The following UBR3 variants were observed in gnomAD, a reference collection of about 807,000 sequenced individuals.
UBR3 encodes E3 ubiquitin-protein ligase UBR3.
In UBR3, 85 loss-of-function variants were observed where a neutral mutation model predicts 243.2. The observed-to-expected ratio is 0.35, with a 90% CI of 0.29 to 0.42. UBR3 has a LOEUF of 0.42. Among genes scored for constraint, UBR3 ranks in the 10% least tolerant of loss-of-function variants. UBR3 has a pLI of 1.00. For missense variants in UBR3, 1,686 were observed against 2,300.8 expected (o/e 0.73, Z 5.47); for synonymous variants, 748 against 799.8 (o/e 0.94, Z 1.09).
At chr2:169,931,906 T>A (rs2086147106) in intron 18 of UBR3, among the ~76,000 whole-genome samples, 1 of 152,090 alleles carries the variant, frequency 6.6e-6, no homozygotes, top group African/African-American at 2.4e-5. Flanking sequence ...ACTTAATACT[T>A]AAAATCATCT....
chr2:170,006,027 A>G (rs1432629986), intron 27 of UBR3, among the ~76,000 whole-genome samples: 1 of 152,140 alleles, frequency 6.6e-6, no homozygotes, highest in Non-Finnish European at 1.5e-5. Flanking sequence ...GAGAGAACCC[A>G]GCTTCAGTTA....
intron 1 of UBR3, among the ~76,000 whole-genome samples, chr2:169,843,309 C>T (rs531793327): frequency 3.3e-5 from 5 of 152,268 alleles, no homozygotes; most frequent in Non-Finnish European, 7.4e-5. Context: ...CTGGTGAGGG[C>T]CTTCTGCTGC....
intron 30 of UBR3, among the ~76,000 whole-genome samples, chr2:170,020,160 T>C (rs1409597076): frequency 1.3e-5 from 2 of 152,140 alleles, no homozygotes; most frequent in Non-Finnish European, 1.5e-5. Flanking sequence ...TATGAAGGCC[T>C]TTTTCAAATT....
At chr2:170,009,526 G>C (rs576698624) in intron 29 of UBR3, among the ~76,000 whole-genome samples, 1 of 152,062 alleles carries the variant, frequency 6.6e-6, no homozygotes, top group Admixed American at 6.5e-5. Context: ...TAGTCTAATT[G>C]TATGCAATAC....
intron 24 of UBR3, among the ~76,000 whole-genome samples, chr2:169,973,893 G>T (rs991913305): frequency 6.6e-6 from 1 of 151,990 alleles, no homozygotes; most frequent in African/African-American, 2.4e-5. Context: ...TTTGTTGAGG[G>T]TTATCATGAA....
intron 28 of UBR3, 124 bp from the exon 29 acceptor site, chr2:170,008,680 A>G (rs112242048): frequency 2.6e-4 from 135 of 526,586 alleles, no homozygotes; most frequent in Non-Finnish European, 3.3e-4. Context: ...ATAATAGATA[A>G]TGTTCTGTTT....
chr2:170,067,152 A>G (rs2091589809), intron 35 of UBR3, among the ~76,000 whole-genome samples: 1 of 152,048 alleles, frequency 6.6e-6, no homozygotes, highest in Admixed American at 6.6e-5. Context: ...CACTGTTAAC[A>G]TCTGGACCCA....
intron 1 of UBR3, among the ~76,000 whole-genome samples, chr2:169,832,475 G>A (rs111684185): frequency 7.3e-5 from 11 of 151,528 alleles, no homozygotes; most frequent in African/African-American, 2.2e-4. Flanking sequence ...GCGTGAACCC[G>A]GGAGGCGGAG....
intron 1 of UBR3, among the ~76,000 whole-genome samples, chr2:169,862,886 G>A (rs534601183): frequency 5.9e-5 from 9 of 151,896 alleles, no homozygotes; most frequent in Admixed American, 2.6e-4. Context: ...ATGGGGCGGG[G>A]GTATGACTCT....
At chr2:169,831,255 T>G (rs2105275147) in intron 1 of UBR3, among the ~76,000 whole-genome samples, 1 of 146,446 alleles carries the variant, frequency 6.8e-6, no homozygotes, top group Admixed American at 6.9e-5. Context: ...ATTCTCTACC[T>G]CAGCCTTCCA....
intron 35 of UBR3, among the ~76,000 whole-genome samples, chr2:170,066,043 G>C (rs1024972225): frequency 2.0e-5 from 3 of 151,258 alleles, no homozygotes; most frequent in African/African-American, 2.4e-5. Context: ...CTAAAATGTA[G>C]AAACTTAATG....
chr2:169,872,398 T>A, intron 2 of UBR3, 23 bp downstream of exon 2: 1 of 1,393,092 alleles, frequency 7.2e-7, no homozygotes, highest in South Asian at 1.5e-5. Context: ...CTACTTCTTG[T>A]TAGTACTCTT....
At chr2:169,919,267 AAG>A (rs2105342438) in intron 11 of UBR3, among the ~76,000 whole-genome samples, 1 of 152,320 alleles carries the variant, frequency 6.6e-6, no homozygotes, top group Non-Finnish European at 1.5e-5. Context: ...TTGTGAGTGG[AAG>A]AAGTTCAAGG....
At chr2:169,958,556 CATAATT>C in intron 24 of UBR3, 30 bp downstream of exon 24, 11 of 1,568,332 alleles carry the variant, frequency 7.0e-6, no homozygotes, top group Non-Finnish European at 9.6e-6. Context: ...TTAGAACTCT[CATAATT>C]ATACTTATTA....
intron 3 of UBR3, among the ~76,000 whole-genome samples, chr2:169,876,160 T>C (rs913274962): frequency 6.6e-6 from 1 of 150,508 alleles, no homozygotes; most frequent in African/African-American, 2.4e-5. Context: ...CTCGGCTCAC[T>C]GCAAGCTCCG....
chr2:169,968,533 C>CT (rs1303280188), intron 24 of UBR3, among the ~76,000 whole-genome samples: 2 of 152,102 alleles, frequency 1.3e-5, no homozygotes, highest in Non-Finnish European at 2.9e-5. Flanking sequence ...GGATTTCACT[C>CT]TTTTTATGGC....
chr2:169,844,745 G>A (rs979872291), intron 1 of UBR3, among the ~76,000 whole-genome samples: 3 of 152,014 alleles, frequency 2.0e-5, no homozygotes, highest in East Asian at 1.9e-4. Context: ...GATCTGCTAC[G>A]TCGGCCTCTC....
chr2:169,835,993 G>GTCCCCCCC (rs1194152380), intron 1 of UBR3, among the ~76,000 whole-genome samples: 6 of 30,724 alleles, frequency 2.0e-4, no homozygotes, highest in Middle Eastern at 0.02. Flanking sequence ...TGTGTGCACT[G>GTCCCCCCC]TCTCTCTCTC....
In UBR3 at chr2:170,081,989, G is replaced by A. The variant is rs949414492; in HGVS notation, c.*146G>A. Reference sequence around the variant, plus strand: ...TTATGAAGCCTTTCCAAAATTAGGTGCTTGGTAATCACGTTAATGGTATAA... The same window carrying A: ...TTATGAAGCCTTTCCAAAATTAGGTACTTGGTAATCACGTTAATGGTATAA... On this transcript the variant is annotated 3_prime_UTR_variant, in exon 39 of 39. Transcript: ENST00000272793. 18 of 511,826 alleles carry A rather than the reference G, an allele frequency of 3.5e-5. No homozygotes were observed. The highest frequency in any genetic ancestry group is 5.7e-5 in the Non-Finnish European group (17 of 298,552). 31.7% of individuals were successfully genotyped at this position (511,826 alleles called of 1,614,324 possible).
Sources: allele counts gnomAD v4.1 joint callset (sites outside exome capture counted in the v4.1 genomes callset), GRCh38; gene constraint gnomAD v4.1.1; transcripts MANE v1.5; gene names NCBI Gene and HGNC (gene_info 2026-07-23, HGNC 2026-07-21).